GRID2: variants seen among roughly 807,000 people sequenced by gnomAD.
GRID2 encodes the protein glutamate receptor ionotropic, delta-2.
A neutral mutation model predicts 114.8 loss-of-function variants in GRID2; 33 were observed. The ratio of observed to expected loss-of-function variants is 0.29; its 90% CI spans 0.22 to 0.38. GRID2 has a LOEUF of 0.38. Ranked by LOEUF, GRID2 falls within the 10% of genes least tolerant of loss-of-function variation. The pLI, the probability that GRID2 is intolerant of heterozygous loss-of-function variation, is 1.00. For missense variants in GRID2, 1,184 were observed against 1,257.7 expected, an observed-to-expected ratio of 0.94 and a Z score of 0.89; for synonymous variants, 505 against 449.9, an observed-to-expected ratio of 1.12 and a Z score of -1.55.
At chr4:93,346,293 C>T (rs184722079) in intron 8 of GRID2, among the ~76,000 whole-genome samples, 5 of 152,064 alleles carry the variant, frequency 3.3e-5, no homozygotes, top group East Asian at 3.9e-4. Context: ...TATTTGAGGT[C>T]GAAATTCCTA....
chr4:93,283,644 G>T (rs1247918082), intron 8 of GRID2, among the ~76,000 whole-genome samples: 1 of 152,072 alleles, frequency 6.6e-6, no homozygotes, highest in African/African-American at 2.4e-5. Context: ...ACCCTGAGTA[G>T]TCGGGGCTCT....
At chr4:92,702,863 C>T (rs1457315775) in intron 2 of GRID2, among the ~76,000 whole-genome samples, 1 of 151,880 alleles carries the variant, frequency 6.6e-6, no homozygotes, top group Non-Finnish European at 1.5e-5. Context: ...GGAGTCTTTT[C>T]TAGTCATCTA....
At chr4:92,367,835 T>A (rs1728944464) in intron 1 of GRID2, among the ~76,000 whole-genome samples, 1 of 152,152 alleles carries the variant, frequency 6.6e-6, no homozygotes, top group African/African-American at 2.4e-5. Context: ...GCTACTCTGA[T>A]CTCTCATTGG....
chr4:93,702,284 T>C (rs1204694791), intron 14 of GRID2, among the ~76,000 whole-genome samples: 1 of 152,178 alleles, frequency 6.6e-6, no homozygotes, highest in Non-Finnish European at 1.5e-5. Flanking sequence ...AACAAATAAT[T>C]GTTTTGCTTA....
intron 8 of GRID2, among the ~76,000 whole-genome samples, chr4:93,368,276 C>A (rs1379633791): frequency 2.0e-5 from 3 of 152,018 alleles, no homozygotes; most frequent in African/African-American, 7.2e-5. Flanking sequence ...AAATCAGTAA[C>A]CTCTAGAAAC....
intron 14 of GRID2, among the ~76,000 whole-genome samples, chr4:93,754,968 C>G (rs904591140): frequency 6.6e-6 from 1 of 152,120 alleles, no homozygotes; most frequent in African/African-American, 2.4e-5. Flanking sequence ...TTTTATCAAG[C>G]CTCTTCTCTG....
chr4:93,657,496 A>G (rs114946247), intron 14 of GRID2, among the ~76,000 whole-genome samples: 369 of 152,340 alleles, frequency 2.4e-3, no homozygotes, highest in African/African-American at 7.0e-3. Context: ...TTGATGGGAC[A>G]TAAATCTTTT....
At chr4:92,645,046 A>G (rs996039602) in intron 2 of GRID2, among the ~76,000 whole-genome samples, 8 of 151,600 alleles carry the variant, frequency 5.3e-5, no homozygotes, top group Non-Finnish European at 1.2e-4. Flanking sequence ...CATAATTGCA[A>G]TTATATCTCA....
intron 1 of GRID2, among the ~76,000 whole-genome samples, chr4:92,396,264 A>T (rs1730486864): frequency 6.6e-6 from 1 of 151,952 alleles, no homozygotes; most frequent in African/African-American, 2.4e-5. Flanking sequence ...AAACAATAGA[A>T]CTAAAGTGCT....
At chr4:92,410,361 A>G (rs2110298943) in intron 1 of GRID2, among the ~76,000 whole-genome samples, 1 of 152,358 alleles carries the variant, frequency 6.6e-6, no homozygotes, top group East Asian at 1.9e-4. Flanking sequence ...TAAGAACTAT[A>G]TTTTGAACTC....
chr4:92,333,101 T>C (rs1002359608), intron 1 of GRID2, among the ~76,000 whole-genome samples: 3 of 152,210 alleles, frequency 2.0e-5, no homozygotes, highest in African/African-American at 7.2e-5. Context: ...CTGTAACAAG[T>C]CTCTGCCTGG....
intron 1 of GRID2, among the ~76,000 whole-genome samples, chr4:93,801,606 C>T (rs1334564189): frequency 3.3e-5 from 5 of 152,044 alleles, no homozygotes; most frequent in African/African-American, 4.8e-5. Flanking sequence ...ATGTAAATAG[C>T]GCCTTCTAAC....
At chr4:93,638,301 CT>C (rs1184003180) in intron 14 of GRID2, among the ~76,000 whole-genome samples, 1,484 of 77,298 alleles carry the variant, frequency 0.019, 387 homozygotes, top group African/African-American at 0.033. Flanking sequence ...AAACTTGCAT[CT>C]TTTTTTTTTT....
intron 2 of GRID2, among the ~76,000 whole-genome samples, chr4:92,888,034 G>A (rs1333971841): frequency 2.6e-5 from 4 of 152,170 alleles, no homozygotes; most frequent in Non-Finnish European, 4.4e-5. Flanking sequence ...ATAAATGAGT[G>A]TGATAGTATC....
At chr4:93,307,932 C>T (rs963910896) in intron 8 of GRID2, among the ~76,000 whole-genome samples, 1 of 149,382 alleles carries the variant, frequency 6.7e-6, no homozygotes, top group African/African-American at 2.6e-5. Context: ...GTATTAATTT[C>T]TTTCTGATTT....
intron 2 of GRID2, among the ~76,000 whole-genome samples, chr4:92,975,525 A>T (rs1753817838): frequency 6.6e-6 from 1 of 152,136 alleles, no homozygotes. Flanking sequence ...GTATCATATG[A>T]TGTATACCAC....
intron 2 of GRID2, among the ~76,000 whole-genome samples, chr4:92,707,449 C>T (rs1258698975): frequency 6.6e-6 from 1 of 152,142 alleles, no homozygotes; most frequent in Non-Finnish European, 1.5e-5. Flanking sequence ...TTAAATGCCT[C>T]ATTATGCAAG....
intron 10 of GRID2, among the ~76,000 whole-genome samples, chr4:93,444,472 AAAT>A: frequency 6.6e-6 from 1 of 152,120 alleles, no homozygotes; most frequent in East Asian, 1.9e-4. Context: ...AAATCTATTG[AAAT>A]AATGAAACAT....
chr4:92,554,709 A>T (rs1726765954), intron 1 of GRID2, among the ~76,000 whole-genome samples: 1 of 152,190 alleles, frequency 6.6e-6, no homozygotes, highest in African/African-American at 2.4e-5. Flanking sequence ...TTATTATGAA[A>T]GTAGTTATTC....
Sources: allele counts gnomAD v4.1 joint callset (sites outside exome capture counted in the v4.1 genomes callset), GRCh38; gene constraint gnomAD v4.1.1; transcripts MANE v1.5; gene names NCBI Gene and HGNC (gene_info 2026-07-23, HGNC 2026-07-21).